GUCY1A2: variants seen among roughly 807,000 people sequenced by gnomAD.
GUCY1A2 encodes guanylate cyclase 1 soluble subunit alpha 2.
A neutral mutation model predicts 63.5 loss-of-function variants in GUCY1A2; 27 were observed. That is an observed-to-expected ratio of 0.43 (90% confidence interval 0.31 to 0.59). GUCY1A2 has a LOEUF of 0.59. Among genes scored for constraint, GUCY1A2 ranks in the 20% least tolerant of loss-of-function variants. The pLI is 0.11. For synonymous variants in GUCY1A2, 364 were observed against 343.5 expected (o/e 1.06, Z -0.66); for missense variants, 768 against 913.3 (o/e 0.84, Z 2.05).
chr11:106,719,483 T>C (rs1299030347), intron 6 of GUCY1A2, among the ~76,000 whole-genome samples: 1 of 152,158 alleles, frequency 6.6e-6, no homozygotes, highest in Non-Finnish European at 1.5e-5. Context: ...AACAATGCAT[T>C]TGACAGAAGT....
chr11:106,999,256 AG>A (rs1861582253), intron 1 of GUCY1A2, among the ~76,000 whole-genome samples: 1 of 152,220 alleles, frequency 6.6e-6, no homozygotes, highest in African/African-American at 2.4e-5. Flanking sequence ...ACAGGAATAA[AG>A]ACAGAGAGAG....
chr11:106,721,720 C>T (rs573326216), intron 6 of GUCY1A2, among the ~76,000 whole-genome samples: 152 of 152,228 alleles, frequency 1.0e-3, no homozygotes, highest in Admixed American at 2.4e-3. Context: ...CGAAATCAAC[C>T]TTATAATAAG....
chr11:106,892,191 ATTAT>A (rs930763828), intron 4 of GUCY1A2, among the ~76,000 whole-genome samples: 5 of 152,022 alleles, frequency 3.3e-5, no homozygotes, highest in African/African-American at 7.2e-5. Context: ...TTATTAAAAA[ATTAT>A]TTATTTATTG....
intron 4 of GUCY1A2, among the ~76,000 whole-genome samples, chr11:106,844,790 G>T (rs1269847800): frequency 6.6e-6 from 1 of 151,556 alleles, no homozygotes. Flanking sequence ...AGAGTGGAAG[G>T]GCTTATTATG....
At chr11:106,889,377 A>G (rs1859944915) in intron 4 of GUCY1A2, among the ~76,000 whole-genome samples, 1 of 152,192 alleles carries the variant, frequency 6.6e-6, no homozygotes, top group African/African-American at 2.4e-5. Context: ...AAATGACCAC[A>G]TAACAGAGTC....
chr11:106,707,107 A>G (rs1352668067), intron 7 of GUCY1A2, among the ~76,000 whole-genome samples: 1 of 151,844 alleles, frequency 6.6e-6, no homozygotes, highest in Non-Finnish European at 1.5e-5. Flanking sequence ...TTATTCAAAA[A>G]CTGTAAAATC....
intron 4 of GUCY1A2, among the ~76,000 whole-genome samples, chr11:106,874,264 A>T (rs1859719129): frequency 6.6e-6 from 1 of 152,200 alleles, no homozygotes; most frequent in Non-Finnish European, 1.5e-5. Flanking sequence ...TTAAAATCCA[A>T]TAGGCTGTGG....
intron 4 of GUCY1A2, among the ~76,000 whole-genome samples, chr11:106,875,630 G>C (rs893495780): frequency 2.0e-5 from 3 of 151,948 alleles, no homozygotes; most frequent in Non-Finnish European, 4.4e-5. Flanking sequence ...TCAGTAGAGA[G>C]TGGGTGTCTC....
Position 106,939,594 on chromosome 11 carries a change from G to C in GUCY1A2, c.1072C>G (p.Leu358Val). The C allele has an allele frequency of 6.2e-7, 1 of 1,613,664 alleles. No individual in the cohort carries two copies. The highest frequency in any genetic ancestry group is 8.5e-7 in the Non-Finnish European group (1 of 1,179,628). The change falls in exon 4 of 8, where the codon CTC becomes GTC. Residue 358 changes from leucine to valine, a missense_variant. Around this residue, in one of 3 missense-constraint regions of GUCY1A2, gnomAD observed 496 missense variants for 486.9 expected, o/e 1.02. Coordinates refer to ENST00000526355, the MANE Select transcript of GUCY1A2 (RefSeq NM_000855.3). Reference protein sequence around the residue: ...KQLRCDTHKVLKFEDCFEIVS... With the variant: ...KQLRCDTHKVVKFEDCFEIVS... ...ATCTCGAAGCAGTCCTCAAACTTGA[G>C]CACTTTGTGAGTGTCACATCGAAGC...
chr11:106,827,746 C>T lies in GUCY1A2; in HGVS notation c.1207-17268G>A. 2.6e-6 allele frequency: 4 copies of T among 1,529,448 alleles called. No homozygotes were observed. The South Asian group carries it at 4.5e-5, about 17-fold the overall frequency. 94.7% of individuals were successfully genotyped at this position (1,529,448 alleles called of 1,614,324 possible). A position where few individuals can be genotyped will look rare whatever the true frequency, so the allele number is the denominator to read the frequency against. ...GAAATCTGCTTGAAATTTGTAACTG[C>T]TTTCATAACAGGAGAAGCTGTTACC... On this transcript the variant is annotated intron_variant, in intron 4 of 7. Coordinates refer to ENST00000526355, the MANE Select transcript of GUCY1A2 (RefSeq NM_000855.3).
chr11:106,990,084 G>A (rs1473778816), intron 1 of GUCY1A2, among the ~76,000 whole-genome samples: 1 of 152,188 alleles, frequency 6.6e-6, no homozygotes, highest in East Asian at 1.9e-4. Context: ...CAAGAGGTCT[G>A]TAATTTTTCT....
At chr11:106,839,555 C>A (rs370474342) in intron 4 of GUCY1A2, among the ~76,000 whole-genome samples, 1 of 152,082 alleles carries the variant, frequency 6.6e-6, no homozygotes, top group South Asian at 2.1e-4. Flanking sequence ...AAGACACATG[C>A]ACACGTATGT....
chr11:106,808,399 G>A (rs912286173), intron 5 of GUCY1A2, among the ~76,000 whole-genome samples: 4 of 151,988 alleles, frequency 2.6e-5, no homozygotes, highest in African/African-American at 9.7e-5. Context: ...TATTTCTACT[G>A]TTTTTCTGTG....
chr11:107,010,396 T>C (rs1169505284), intron 1 of GUCY1A2, among the ~76,000 whole-genome samples: 2 of 152,128 alleles, frequency 1.3e-5, no homozygotes, highest in Non-Finnish European at 2.9e-5. Flanking sequence ...GGGCAGAAAA[T>C]ATAAGCAATC....
chr11:106,700,987 T>C (rs1862808311), intron 7 of GUCY1A2, among the ~76,000 whole-genome samples: 1 of 152,154 alleles, frequency 6.6e-6, no homozygotes, highest in Non-Finnish European at 1.5e-5. Flanking sequence ...TTTTGACTAG[T>C]ATTACTGATT....
intron 6 of GUCY1A2, among the ~76,000 whole-genome samples, chr11:106,765,706 T>C (rs958905102): frequency 6.6e-6 from 1 of 152,152 alleles, no homozygotes; most frequent in African/African-American, 2.4e-5. Flanking sequence ...CCTGATTACA[T>C]GGTCATTTGA....
intron 6 of GUCY1A2, among the ~76,000 whole-genome samples, chr11:106,754,795 G>C (rs1863944472): frequency 6.6e-6 from 1 of 152,148 alleles, no homozygotes; most frequent in South Asian, 2.1e-4. Flanking sequence ...ATGTTCATCA[G>C]GGATATTGGC....
At chr11:107,006,668 G>A (rs931847056) in intron 1 of GUCY1A2, among the ~76,000 whole-genome samples, 2 of 152,158 alleles carry the variant, frequency 1.3e-5, no homozygotes, top group Admixed American at 1.3e-4. Flanking sequence ...CTTCCTCAGT[G>A]CTTCTACATA....
chr11:106,746,776 T>C (rs1863795390), intron 6 of GUCY1A2: 1 of 530,602 alleles, frequency 1.9e-6, no homozygotes, highest in Non-Finnish European at 3.4e-6. Flanking sequence ...GAGGTTGACA[T>C]TGGTGGTACA....
Sources: gnomAD v4.1 joint callset for allele counts (sites outside exome capture counted in the v4.1 genomes callset) on GRCh38, gnomAD v4.1.1 for gene constraint, gnomAD v4.1.1 regional missense constraint, MANE v1.5 for transcripts, NCBI Gene and HGNC (gene_info 2026-07-23, HGNC 2026-07-21) for gene names.